NEXMIF: variants seen among roughly 807,000 people sequenced by gnomAD.
NEXMIF encodes neurite extension and migration factor.
In NEXMIF, 8 loss-of-function variants were observed where a neutral mutation model predicts 62.1. The ratio of observed to expected loss-of-function variants is 0.13; its 90% CI spans 0.08 to 0.23. The LOEUF is 0.23. NEXMIF is among the 10% of genes least tolerant of loss of function. The probability of loss-of-function intolerance (pLI) is 1.00; values close to 1 mark genes in which losing one functional copy is unlikely to be tolerated. For missense variants in NEXMIF, 976 were observed against 1,113.3 expected (o/e 0.88, Z 1.75); for synonymous variants, 404 against 416.6 (o/e 0.97, Z 0.37).
intron 1 of NEXMIF, among the ~76,000 whole-genome samples, chrX:74,876,411 G>T (rs1454414443): frequency 9.0e-6 from 1 of 111,409 alleles, no homozygotes; most frequent in Non-Finnish European, 1.9e-5. Flanking sequence ...TTGCTTCCAA[G>T]TATATGGTCA....
At chrX:74,789,563 A>G (rs1602227870) in intron 1 of NEXMIF, among the ~76,000 whole-genome samples, 2 of 111,335 alleles carry the variant, frequency 1.8e-5, no homozygotes, top group African/African-American at 6.5e-5. Flanking sequence ...GACTTCCACA[A>G]TGGTTGAACT....
At chrX:74,922,552 C>T (rs977768328) in intron 1 of NEXMIF, among the ~76,000 whole-genome samples, 2 of 112,087 alleles carry the variant, frequency 1.8e-5, no homozygotes, top group Admixed American at 9.5e-5. Context: ...GCTTACTGCA[C>T]AATCAATCCG....
chrX:74,799,576 A>T lies in NEXMIF; in HGVS notation c.-47-53879T>A, dbSNP rs186561611. 6.4e-3 allele frequency among the ~76,000 whole-genome samples: 723 copies of T among 112,212 alleles called. 9 individuals carry two copies. The highest frequency in any genetic ancestry group is 8.9e-3 in the Non-Finnish European group (475 of 53,222). On this transcript the variant is annotated intron_variant, in intron 1 of 3. Coordinates refer to ENST00000055682, the MANE Select transcript of NEXMIF (RefSeq NM_001008537.3). ...ACACAAACAAATACATACTTCCTCA[A>T]ATTGAGGGATCTAGCTCAAATAATG...
intron 1 of NEXMIF, among the ~76,000 whole-genome samples, chrX:74,887,549 CTCA>C (rs1354696475): frequency 8.9e-5 from 10 of 112,192 alleles, no homozygotes; most frequent in African/African-American, 3.2e-4. Flanking sequence ...TGAAGAAATG[CTCA>C]TCATCACTGG....
chrX:74,909,818 T>C (rs1420043446), intron 1 of NEXMIF, among the ~76,000 whole-genome samples: 1 of 112,033 alleles, frequency 8.9e-6, no homozygotes, highest in Non-Finnish European at 1.9e-5. Flanking sequence ...CTGCTCCAGC[T>C]GTTGCTAAAA....
rs1222599772 is a variant in NEXMIF at position 74,889,371 on chromosome X, T to C, written c.-48+35512A>G. Among the ~76,000 whole-genome samples the C allele has an allele frequency of 3.6e-5, 4 of 112,109 alleles. No homozygotes were observed. The Admixed American group carries it at 3.8e-4, about 11-fold the overall frequency. Reference sequence around the variant, plus strand: ...CAAATGGGGATGGAAAGGCAAATTATAATGAAAATATTGTTTGATTTAAAG... The same window carrying C: ...CAAATGGGGATGGAAAGGCAAATTACAATGAAAATATTGTTTGATTTAAAG... On this transcript the variant is annotated intron_variant, in intron 1 of 3. Coordinates refer to ENST00000055682, the MANE Select transcript of NEXMIF (RefSeq NM_001008537.3).
intron 1 of NEXMIF, among the ~76,000 whole-genome samples, chrX:74,907,641 AC>A (rs1370145523): frequency 1.8e-5 from 2 of 110,965 alleles, no homozygotes; most frequent in African/African-American, 6.6e-5. Flanking sequence ...ATCAATATTT[AC>A]CTTTCCTAAG....
At chrX:74,856,818 G>A (rs183662401) in intron 1 of NEXMIF, among the ~76,000 whole-genome samples, 3 of 112,045 alleles carry the variant, frequency 2.7e-5, no homozygotes, top group East Asian at 5.7e-4. Context: ...TCCCCCAGCA[G>A]TGGCTGTGTG....
At chrX:74,834,158 A>G (rs1484670723) in intron 1 of NEXMIF, among the ~76,000 whole-genome samples, 4 of 109,469 alleles carry the variant, frequency 3.7e-5, no homozygotes, top group African/African-American at 1.3e-4. Context: ...AAAAGAAAGA[A>G]AAGAAAAGAA....
chrX:74,769,988 G>T (rs759191731), intron 1 of NEXMIF, among the ~76,000 whole-genome samples: 4 of 111,926 alleles, frequency 3.6e-5, no homozygotes, highest in African/African-American at 1.3e-4. Flanking sequence ...CTGCTATGAG[G>T]TTGCAGGAGA....
At chrX:74,846,126 C>T (rs767597012) in intron 1 of NEXMIF, among the ~76,000 whole-genome samples, 20 of 113,013 alleles carry the variant, frequency 1.8e-4, no homozygotes, top group African/African-American at 6.4e-4. Flanking sequence ...CCCAGCCACC[C>T]TCAACTAGTA....
chrX:74,769,850 A>G (rs1010654253), intron 1 of NEXMIF: 3 of 372,691 alleles, frequency 8.0e-6, no homozygotes, highest in Non-Finnish European at 1.4e-5. Context: ...CCTGATCAAG[A>G]TACACTGTAT....
chrX:74,784,612 TTATA>T (rs35688273), intron 1 of NEXMIF, among the ~76,000 whole-genome samples: 24 of 106,550 alleles, frequency 2.3e-4, no homozygotes, highest in Admixed American at 9.2e-4. Context: ...ATGCAATATT[TTATA>T]TATATATATA....
chrX:74,887,186 C>G (rs1209571509), intron 1 of NEXMIF, among the ~76,000 whole-genome samples: 1 of 111,976 alleles, frequency 8.9e-6, no homozygotes, highest in African/African-American at 3.3e-5. Context: ...AGACCTAAAA[C>G]CATAAAAACC....
Position 74,736,216 on chromosome X carries a change from A to G in NEXMIF, c.*3189T>C, listed in dbSNP as rs2077796342. 1 of 111,834 alleles carries G rather than the reference A, an allele frequency of 8.9e-6. No individual in the cohort carries two copies. The highest frequency in any genetic ancestry group is 3.8e-4 in the South Asian group (1 of 2,610). The allele number at this position is 111,834 out of a possible 1,213,427, so 9.2% of individuals were successfully genotyped here. On this transcript the variant is annotated 3_prime_UTR_variant, in exon 4 of 4. Transcript: ENST00000055682. ...TAATTAAAAAATTAGATTTGAAAAT[A>G]GCCAAAGCAATTAAAGGCAATTAAG...
Position 74,884,347 on chromosome X carries a change from T to C in NEXMIF, c.-48+40536A>G, listed in dbSNP as rs188035286. Among the ~76,000 whole-genome samples, 707 of 111,661 alleles carry C rather than the reference T, an allele frequency of 6.3e-3. 5 individuals are homozygous for C. Among genetic ancestry groups the C allele is most frequent in the African/African-American group, 0.022 (679 of 30,687 alleles). On this transcript the variant is annotated intron_variant, in intron 1 of 3. Transcript: ENST00000055682. ...AATGCTCCAATTAAAAGGAACAGAC[T>C]GGCAAATTGGATAAAGAGTCAAGAC... is the stretch of plus-strand genomic sequence containing the variant.
chrX:74,882,181 C>T (rs1014814855), intron 1 of NEXMIF, among the ~76,000 whole-genome samples: 2 of 111,961 alleles, frequency 1.8e-5, no homozygotes, highest in Non-Finnish European at 3.8e-5. Context: ...CCAAGATGGC[C>T]GAATAGGAAC....
At chrX:74,820,394 T>C (rs1221527785) in intron 1 of NEXMIF, among the ~76,000 whole-genome samples, 1 of 111,125 alleles carries the variant, frequency 9.0e-6, no homozygotes, top group African/African-American at 3.3e-5. Flanking sequence ...GGAAAGCTTA[T>C]ATACTGTTGT....
chrX:74,751,031 C>T lies in NEXMIF; in HGVS notation c.-47-5334G>A, dbSNP rs146805693. Among the ~76,000 whole-genome samples, 110 of 111,055 alleles carry T rather than the reference C, an allele frequency of 9.9e-4. 1 individual carries two copies. The East Asian group carries it at 0.029, about 29-fold the overall frequency. On this transcript the variant is annotated intron_variant, in intron 1 of 3. Transcript: ENST00000055682. ...TTGCTTGAGCTCAGAAGTTTGAGAC[C>T]AGCCTGGGCAACATGGGGAAACCCC...
Sources: gnomAD v4.1 joint callset for allele counts (sites outside exome capture counted in the v4.1 genomes callset) on GRCh38, gnomAD v4.1.1 for gene constraint, MANE v1.5 for transcripts, NCBI Gene and HGNC (gene_info 2026-07-23, HGNC 2026-07-21) for gene names.